The following NEK11 variants were observed in gnomAD, a reference collection of about 807,000 sequenced individuals.
The protein encoded by NEK11 is NIMA related kinase 11, also known as serine/threonine-protein kinase Nek11.
Under a neutral mutation model 80.7 loss-of-function variants are expected in NEK11, and 72 were observed. The ratio of observed to expected loss-of-function variants is 0.89; its 90% CI spans 0.74 to 1.08. NEK11 has a LOEUF of 1.08. Among genes scored for constraint, NEK11 ranks in the 50% least tolerant of loss-of-function variants. NEK11 has a pLI of 0.00. For synonymous variants in NEK11, 251 were observed against 260.7 expected, an observed-to-expected ratio of 0.96 and a Z score of 0.36; for missense variants, 764 against 763.6, an observed-to-expected ratio of 1.00 and a Z score of -0.01.
chr3:131,189,661 A>G (rs2093720913), intron 14 of NEK11, among the ~76,000 whole-genome samples: 1 of 152,164 alleles, frequency 6.6e-6, no homozygotes, highest in Non-Finnish European at 1.5e-5. Context: ...AAACCCTTTT[A>G]TCTCATTTTT....
intron 5 of NEK11, 119 bp from the exon 6 acceptor site, chr3:131,132,626 T>C: frequency 1.8e-6 from 1 of 558,982 alleles, no homozygotes; most frequent in East Asian, 3.6e-5. Context: ...CATTGAAAGA[T>C]ATATCTATGG....
At chr3:131,172,783 C>G (rs2150079734) in intron 14 of NEK11, among the ~76,000 whole-genome samples, 1 of 152,266 alleles carries the variant, frequency 6.6e-6, no homozygotes, top group South Asian at 2.1e-4. Context: ...TTCTTTGTCA[C>G]AGGGTGAGAC....
intron 4 of NEK11, among the ~76,000 whole-genome samples, chr3:131,097,871 A>G (rs1190820699): frequency 6.9e-6 from 1 of 144,484 alleles, no homozygotes; most frequent in Non-Finnish European, 1.6e-5. Context: ...CCAAAAGAAC[A>G]AAGCTGGAGG....
In NEK11 at chr3:131,350,144, A is replaced by C. The variant is rs1279560861; in HGVS notation, c.*368A>C. The C allele has an allele frequency of 4.6e-6, 1 of 218,432 alleles. No individual in the cohort carries two copies. The allele number at this position is 218,432 out of a possible 1,614,324, so 13.5% of individuals were successfully genotyped here. ...GCTGGAGGACAGAGCTCAGTGCCTG[A>C]CTGCCTAGGGTCTCATGGACTGTAG... On this transcript the variant is annotated 3_prime_UTR_variant, in exon 18 of 18. Coordinates refer to ENST00000383366, the MANE Select transcript of NEK11 (RefSeq NM_024800.5).
intron 10 of NEK11, among the ~76,000 whole-genome samples, chr3:131,157,204 G>C (rs1030314735): frequency 6.6e-6 from 1 of 152,220 alleles, no homozygotes; most frequent in African/African-American, 2.4e-5. Flanking sequence ...TAAGTTCAGG[G>C]TAGGATCCTG....
At chr3:131,083,397 G>A (rs1477066275) in intron 4 of NEK11, among the ~76,000 whole-genome samples, 2 of 152,186 alleles carry the variant, frequency 1.3e-5, no homozygotes, top group African/African-American at 2.4e-5. Context: ...CTGTGGGGCC[G>A]CCTGGGCTCT....
rs57412173 is a variant in NEK11 at position 131,044,422 on chromosome 3, CAAAAAAAAAA to C, written c.170+14556_170+14565del. On this transcript the variant is annotated intron_variant, in intron 3 of 17. Transcript: ENST00000383366. ...GACTATTTACCAAGCAAATGGAAAG[CAAAAAAAAAA>C]AAAAAAAAAAAGGTGGGGGGGGGGG... Among the ~76,000 whole-genome samples, 5 of 37,766 alleles carry C rather than the reference CAAAAAAAAAA, an allele frequency of 1.3e-4. No individual in the cohort carries two copies. In the East Asian group the frequency reaches 4.0e-3, roughly 30 times the overall value. 24.8% of individuals were successfully genotyped at this position (37,766 alleles called of 152,430 possible).
rs113756854 is a variant in NEK11, at chr3:131,246,944, C to T, written c.1621+3448C>T. On this transcript the variant is annotated intron_variant, in intron 16 of 17. Coordinates refer to ENST00000383366, the MANE Select transcript of NEK11 (RefSeq NM_024800.5). ...AGAATTGTCTACTTATGTCCTTAGC[C>T]CACTTTTTGATGGGATTTTTTTTTG... Among the ~76,000 whole-genome samples, 1,470 of 151,960 alleles carry T rather than the reference C, an allele frequency of 9.7e-3. 17 individuals carry two copies. Among genetic ancestry groups the T allele is most frequent in the African/African-American group, 0.032 (1,315 of 41,476 alleles).
chr3:131,174,636 A>C (rs2150100606), intron 14 of NEK11: 1 of 967,726 alleles, frequency 1.0e-6, no homozygotes, highest in Non-Finnish European at 1.5e-6. Flanking sequence ...CAAATGAGAA[A>C]GTACAACTGG....
intron 17 of NEK11, among the ~76,000 whole-genome samples, chr3:131,277,251 G>C (rs1223359980): frequency 6.6e-6 from 1 of 152,132 alleles, no homozygotes; most frequent in Non-Finnish European, 1.5e-5. Flanking sequence ...ACTTCCACCT[G>C]TTCTCACATG....
chr3:131,241,222 T>C (rs943676741), intron 15 of NEK11, among the ~76,000 whole-genome samples: 3 of 152,106 alleles, frequency 2.0e-5, no homozygotes, highest in Non-Finnish European at 4.4e-5. Flanking sequence ...GGTTTCTAAA[T>C]TGTCATATTC....
intron 17 of NEK11, among the ~76,000 whole-genome samples, chr3:131,337,463 T>G (rs1215411685): frequency 7.5e-5 from 11 of 146,192 alleles, no homozygotes; most frequent in South Asian, 2.2e-4. Context: ...TGGGGACTGT[T>G]GTGGGGTGGG....
chr3:131,260,699 G>A (rs1310759196), intron 16 of NEK11, among the ~76,000 whole-genome samples: 2 of 152,162 alleles, frequency 1.3e-5, no homozygotes, highest in African/African-American at 4.8e-5. Flanking sequence ...ATTCCAAGGA[G>A]TAGGAGGAGA....
intron 17 of NEK11, among the ~76,000 whole-genome samples, chr3:131,281,832 T>C (rs557497118): frequency 7.9e-5 from 12 of 152,240 alleles, no homozygotes; most frequent in Non-Finnish European, 1.6e-4. Context: ...TCTACTTTTG[T>C]CTTTTATAAA....
chr3:131,308,149 C>A (rs916935670), intron 17 of NEK11, among the ~76,000 whole-genome samples: 5 of 152,116 alleles, frequency 3.3e-5, no homozygotes, highest in African/African-American at 1.2e-4. Context: ...TTTATGGTCA[C>A]CTCTTAATCA....
chr3:131,098,400 T>C (rs1015079186), intron 4 of NEK11, among the ~76,000 whole-genome samples: 4 of 152,274 alleles, frequency 2.6e-5, no homozygotes, highest in Non-Finnish European at 5.9e-5. Context: ...TTTCACAACC[T>C]ACTCATCTGT....
intron 17 of NEK11, among the ~76,000 whole-genome samples, chr3:131,285,635 C>A (rs931396603): frequency 1.6e-4 from 25 of 152,358 alleles, no homozygotes; most frequent in African/African-American, 5.8e-4. Flanking sequence ...CCACGTTTCT[C>A]AAGAGCAAAA....
intron 14 of NEK11, among the ~76,000 whole-genome samples, chr3:131,178,223 A>G (rs1208392902): frequency 1.3e-5 from 2 of 152,196 alleles, no homozygotes; most frequent in African/African-American, 2.4e-5. Flanking sequence ...GATATTCACT[A>G]CTGTTTACTA....
intron 17 of NEK11, among the ~76,000 whole-genome samples, chr3:131,274,905 G>A (rs1318549721): frequency 6.6e-6 from 1 of 151,614 alleles, no homozygotes; most frequent in Non-Finnish European, 1.5e-5. Context: ...CACCCGCCTC[G>A]GCCTCCCAAA....
Sources: gnomAD v4.1 joint callset for allele counts (sites outside exome capture counted in the v4.1 genomes callset) on GRCh38, gnomAD v4.1.1 for gene constraint, MANE v1.5 for transcripts, NCBI Gene and HGNC (gene_info 2026-07-23, HGNC 2026-07-21) for gene names.